DNAJC2: variants seen among roughly 807,000 people sequenced by gnomAD.
The protein encoded by DNAJC2 is dnaJ homolog subfamily C member 2.
A neutral mutation model predicts 94.0 loss-of-function variants in DNAJC2; 32 were observed. The observed-to-expected ratio is 0.34, with a 90% CI of 0.26 to 0.46. The LOEUF is 0.46. Ranked by LOEUF, DNAJC2 falls within the 20% of genes least tolerant of loss-of-function variation. DNAJC2 has a pLI of 1.00. For missense variants in DNAJC2, 550 were observed against 719.5 expected (o/e 0.76, Z 2.69); for synonymous variants, 210 against 229.7 (o/e 0.91, Z 0.77).
At chr7:103,339,762 C>T (rs1235698263) in intron 2 of DNAJC2, among the ~76,000 whole-genome samples, 1 of 151,530 alleles carries the variant, frequency 6.6e-6, no homozygotes, top group African/African-American at 2.4e-5. Flanking sequence ...CCACCATGCC[C>T]GGTCCAGTGT....
At chr7:103,321,080 C>G (rs1030164046) in intron 10 of DNAJC2, among the ~76,000 whole-genome samples, 1 of 151,468 alleles carries the variant, frequency 6.6e-6, no homozygotes, top group African/African-American at 2.4e-5. Context: ...CACCTGTAAT[C>G]CCAGCTACTT....
chr7:103,317,613 T>G lies in DNAJC2; in HGVS notation c.1243-599A>C, dbSNP rs886972760. ...ATAATGCTAACCTTGAAAAATTTTTTTGATTCCCATCATCACATTCATAGT... is the reference window on the plus strand; with the variant it reads ...ATAATGCTAACCTTGAAAAATTTTTGTGATTCCCATCATCACATTCATAGT... On this transcript the variant is annotated intron_variant, in intron 12 of 16. Coordinates refer to ENST00000379263, the MANE Select transcript of DNAJC2 (RefSeq NM_014377.3). Among the ~76,000 whole-genome samples the G allele has an allele frequency of 1.3e-5, 2 of 152,324 alleles. 1 individual carries two copies. Among genetic ancestry groups the G allele is most frequent in the South Asian group, 4.1e-4 (2 of 4,828 alleles).
chr7:103,340,332 T>G (rs2116053482), intron 2 of DNAJC2, among the ~76,000 whole-genome samples: 1 of 152,380 alleles, frequency 6.6e-6, no homozygotes, highest in East Asian at 1.9e-4. Flanking sequence ...TGTCTTTTTC[T>G]TTTAAAATGG....
At chr7:103,344,428 C>G in intron 1 of DNAJC2, 131 bp downstream of exon 1, 2 of 976,044 alleles carry the variant, frequency 2.0e-6, no homozygotes, top group Non-Finnish European at 3.2e-6. Context: ...AAAAGGCACT[C>G]GTCACGGCCC....
At chr7:103,316,618 A>G in intron 13 of DNAJC2, 1 of 498,964 alleles carries the variant, frequency 2.0e-6, no homozygotes, top group Non-Finnish European at 3.5e-6. Flanking sequence ...CCTGAGAAAC[A>G]AGTATTCTGT....
At chr7:103,327,116 A>C (rs1818748231) in intron 4 of DNAJC2, among the ~76,000 whole-genome samples, 1 of 152,228 alleles carries the variant, frequency 6.6e-6, no homozygotes, top group Non-Finnish European at 1.5e-5. Context: ...ATCACATTTA[A>C]GGAAACATTT....
At position 103,341,891 on chromosome 7, in the gene DNAJC2, T is replaced by C. The variant is rs777121043; in HGVS notation, c.128A>G (p.Asn43Ser). Residue 43 changes from asparagine (N) to serine (S), a missense_variant, in exon 2 of 17, where the codon AAC (asparagine) becomes AGC (serine). By Grantham distance (46) the Asn-to-Ser change is conservative. This residue lies in a region of DNAJC2 where 279 missense variants were observed against 416.9 expected (regional missense o/e 0.67). Coordinates refer to ENST00000379263, the MANE Select transcript of DNAJC2 (RefSeq NM_014377.3). ...RWFEAFVKRRNRNASASFQEL... is the reference protein window; with the variant it reads ...RWFEAFVKRRSRNASASFQEL... ...CTGAAAAGAGGCAGAAGCATTTCTG[T>C]TTCTCCTCTTAACAAAAGCTTCAAA... The C allele has an allele frequency of 1.9e-6, 3 of 1,613,154 alleles. No individual in the cohort carries two copies. Among genetic ancestry groups the C allele is most frequent in the East Asian group, 2.2e-5 (1 of 44,834 alleles).
At chr7:103,339,133 C>T (rs1176645780) in intron 2 of DNAJC2, among the ~76,000 whole-genome samples, 3 of 152,158 alleles carry the variant, frequency 2.0e-5, no homozygotes, top group Non-Finnish European at 4.4e-5. Flanking sequence ...AGCTTATGGC[C>T]ATCCTATGGA....
chr7:103,313,370 A>T (rs991978184), intron 15 of DNAJC2: 1 of 1,125,658 alleles, frequency 8.9e-7, no homozygotes, highest in Non-Finnish European at 1.1e-6. Context: ...CTTAAAAATC[A>T]ATGTAATACA....
At chr7:103,331,441 G>C (rs1267362756) in intron 3 of DNAJC2, among the ~76,000 whole-genome samples, 1 of 152,092 alleles carries the variant, frequency 6.6e-6, no homozygotes. Context: ...CTCTGCTACA[G>C]AACACTGGGA....
At chr7:103,319,101 G>C (rs115557384) in intron 12 of DNAJC2, among the ~76,000 whole-genome samples, 1 of 151,918 alleles carries the variant, frequency 6.6e-6, no homozygotes, top group Non-Finnish European at 1.5e-5. Context: ...AATCCCACCC[G>C]CACTCCAGCC....
intron 2 of DNAJC2, among the ~76,000 whole-genome samples, chr7:103,339,040 TAAAC>T (rs1178112372): frequency 6.6e-6 from 1 of 152,190 alleles, no homozygotes; most frequent in East Asian, 1.9e-4. Flanking sequence ...ATTTAAAAAA[TAAAC>T]AAACAGAAAC....
chr7:103,312,917 C>A lies in DNAJC2; in HGVS notation c.1791+30G>T, dbSNP rs765061551. On this transcript the variant is annotated intron_variant, in intron 16 of 16. Coordinates refer to ENST00000379263, the MANE Select transcript of DNAJC2 (RefSeq NM_014377.3). Reference sequence around the variant, plus strand: ...ATCACCCAAGCTACAATTTAAAATACAACAATCTATAAACGCTTAAGTCTG... The same window carrying A: ...ATCACCCAAGCTACAATTTAAAATAAAACAATCTATAAACGCTTAAGTCTG... The A allele has an allele frequency of 3.1e-6, 5 of 1,590,298 alleles. 1 individual carries two copies. The South Asian group carries it at 4.6e-5, about 15-fold the overall frequency.
At chr7:103,328,546 G>T (rs1457937083) in intron 3 of DNAJC2, among the ~76,000 whole-genome samples, 1 of 152,058 alleles carries the variant, frequency 6.6e-6, no homozygotes, top group African/African-American at 2.4e-5. Context: ...CATAAGAATC[G>T]CTTGAACCCA....
rs752584560 is a variant in DNAJC2 at position 103,344,688 on chromosome 7, C to T, written c.-66G>A. On this transcript the variant is annotated 5_prime_UTR_variant, in exon 1 of 17. Transcript: ENST00000379263. ...TCCCGGGCGGAGGGCGCTTAGGGTC[C>T]CCTCCAGCTCTACCTCTCACTCCGA... The T allele has an allele frequency of 2.6e-4, 393 of 1,535,380 alleles. 1 individual carries two copies. Among genetic ancestry groups the T allele is most frequent in the Middle Eastern group, 4.4e-4 (2 of 4,580 alleles).
chr7:103,335,538 C>CTT (rs762515531), intron 3 of DNAJC2: 5 of 140,198 alleles, frequency 3.6e-5, no homozygotes, highest in African/African-American at 5.2e-5. Flanking sequence ...TTCTTTCTTT[C>CTT]TTTTTTTTTT....
intron 16 of DNAJC2, 99 bp from the exon 17 acceptor site, chr7:103,312,742 A>G: frequency 6.5e-7 from 1 of 1,547,366 alleles, no homozygotes; most frequent in South Asian, 1.3e-5. Context: ...TAAGATAGAT[A>G]GTACTAAATA....
chr7:103,334,498 C>G (rs1025973254), intron 3 of DNAJC2, among the ~76,000 whole-genome samples: 6 of 151,596 alleles, frequency 4.0e-5, no homozygotes, highest in African/African-American at 1.5e-4. Context: ...ACCACTTGAA[C>G]CCTGGAGATG....
At chr7:103,323,536 A>G in intron 7 of DNAJC2, 62 bp downstream of exon 7, 4 of 1,370,630 alleles carry the variant, frequency 2.9e-6, no homozygotes, top group African/African-American at 3.0e-5. Flanking sequence ...CAATTTTTAC[A>G]TCATCACAAA....
Sources: gnomAD v4.1 joint callset for allele counts (sites outside exome capture counted in the v4.1 genomes callset) on GRCh38, gnomAD v4.1.1 for gene constraint, gnomAD v4.1.1 regional missense constraint, MANE v1.5 for transcripts, NCBI Gene and HGNC (gene_info 2026-07-23, HGNC 2026-07-21) for gene names.